The following DAB1 variants were observed in gnomAD, a reference collection of about 807,000 sequenced individuals.
The protein encoded by DAB1 is DAB adaptor protein 1, also known as disabled homolog 1.
Under a neutral mutation model 64.6 loss-of-function variants are expected in DAB1, and 15 were observed. The ratio of observed to expected loss-of-function variants is 0.23; its 90% CI spans 0.16 to 0.36. The LOEUF (loss-of-function observed/expected upper bound fraction) is 0.36, where lower values mean the gene tolerates loss of function less well. DAB1 is among the 10% of genes least tolerant of loss of function. The pLI is 1.00. For synonymous variants in DAB1, 235 were observed against 251.9 expected, an observed-to-expected ratio of 0.93 and a Z score of 0.64; for missense variants, 596 against 706.7, an observed-to-expected ratio of 0.84 and a Z score of 1.78.
chr1:57,439,426 T>TTTTTGTTTTTTTTTGTTTTTTTTTG lies in DAB1; in HGVS notation n.626-148261_626-148260insCAAAAAAAAACAAAAAAAAACAAAA, dbSNP rs1558381415. Among the ~76,000 whole-genome samples, 66 of 94,888 alleles carry TTTTTGTTTTTTTTTGTTTTTTTTTG rather than the reference T, an allele frequency of 7.0e-4. 4 individuals are homozygous for TTTTTGTTTTTTTTTGTTTTTTTTTG. In the East Asian group the frequency reaches 0.014, roughly 20 times the overall value. The allele number at this position is 94,888 out of a possible 152,430, so 62.3% of individuals were successfully genotyped here. On this transcript the variant is annotated intron_variant and non_coding_transcript_variant, in intron 7 of 20. Transcript: ENST00000485760. ...ATCAACTTGGTGATGAGGTTTTTTC[T>TTTTTGTTTTTTTTTGTTTTTTTTTG]TTTTTTTTTTTTTTTTTTTTTGAGA... is the stretch of plus-strand genomic sequence containing the variant.
chr1:57,498,204 C>T (rs896282846), intron 7 of DAB1, among the ~76,000 whole-genome samples: 8 of 152,122 alleles, frequency 5.3e-5, no homozygotes, highest in African/African-American at 1.9e-4. Flanking sequence ...ATTCGAGATG[C>T]TTTTGGGACA....
chr1:58,513,273 C>T (rs1646109533), intron 2 of DAB1, among the ~76,000 whole-genome samples: 1 of 152,120 alleles, frequency 6.6e-6, no homozygotes, highest in South Asian at 2.1e-4. Flanking sequence ...ACCTGCTTCC[C>T]CTTCCACCAT....
chr1:57,316,501 C>T (rs1283896854), intron 1 of DAB1, among the ~76,000 whole-genome samples: 1 of 152,130 alleles, frequency 6.6e-6, no homozygotes, highest in Non-Finnish European at 1.5e-5. Context: ...CAGCATCTGT[C>T]TCCTTGGCAG....
intron 4 of DAB1, among the ~76,000 whole-genome samples, chr1:58,300,244 C>A (rs1011507153): frequency 6.6e-6 from 1 of 151,960 alleles, no homozygotes; most frequent in Non-Finnish European, 1.5e-5. Context: ...GAAGGTACTG[C>A]TGCTTTAAGA....
chr1:57,126,095 G>A (rs1157116398), intron 4 of DAB1, among the ~76,000 whole-genome samples: 2 of 151,396 alleles, frequency 1.3e-5, no homozygotes, highest in African/African-American at 2.4e-5. Context: ...CTTTCATATC[G>A]CAAATAGAAG....
At chr1:57,676,636 C>T (rs1558600711) in intron 6 of DAB1, among the ~76,000 whole-genome samples, 1 of 152,210 alleles carries the variant, frequency 6.6e-6, no homozygotes, top group Non-Finnish European at 1.5e-5. Flanking sequence ...CTCAAGTCCT[C>T]AGCTTGGCAT....
intron 1 of DAB1, chr1:57,878,504 T>C (rs1644089885): frequency 6.6e-6 from 1 of 152,188 alleles, no homozygotes; most frequent in Non-Finnish European, 1.5e-5. Flanking sequence ...CTGAGCTTAA[T>C]CAAACATGTT....
intron 1 of DAB1, among the ~76,000 whole-genome samples, chr1:57,848,232 T>C (rs979711482): frequency 6.6e-6 from 1 of 152,132 alleles, no homozygotes; most frequent in Admixed American, 6.5e-5. Flanking sequence ...AAAGGTGTAG[T>C]CTATAAGTTC....
At chr1:57,547,626 G>A (rs992894615) in intron 7 of DAB1, among the ~76,000 whole-genome samples, 6 of 152,108 alleles carry the variant, frequency 3.9e-5, no homozygotes, top group African/African-American at 1.2e-4. Flanking sequence ...TATTGTGAAC[G>A]TATTTACTTT....
At chr1:57,899,076 C>T (rs1360387021) in intron 5 of DAB1, among the ~76,000 whole-genome samples, 6 of 151,748 alleles carry the variant, frequency 4.0e-5, no homozygotes, top group African/African-American at 1.5e-4. Context: ...TCTGTATCAT[C>T]GATAAATGGG....
chr1:57,819,918 A>T (rs995002061), intron 6 of DAB1, among the ~76,000 whole-genome samples: 1 of 152,188 alleles, frequency 6.6e-6, no homozygotes, highest in African/African-American at 2.4e-5. Context: ...TCTGTCTGCA[A>T]CTAGTGCTAT....
intron 5 of DAB1, among the ~76,000 whole-genome samples, chr1:57,970,717 T>A (rs1252764062): frequency 6.6e-6 from 1 of 152,142 alleles, no homozygotes; most frequent in East Asian, 1.9e-4. Flanking sequence ...CTGGTTGTAG[T>A]AAACAAAGCT....
intron 4 of DAB1, among the ~76,000 whole-genome samples, chr1:58,323,924 CAA>C (rs11432020): frequency 2.4e-4 from 19 of 80,086 alleles, no homozygotes; most frequent in African/African-American, 2.3e-4. Context: ...GACTCCATCT[CAA>C]AAAAAAAAAA....
intron 3 of DAB1, among the ~76,000 whole-genome samples, chr1:58,500,726 T>C (rs1472896169): frequency 6.6e-6 from 1 of 152,176 alleles, no homozygotes; most frequent in Admixed American, 6.5e-5. Flanking sequence ...ATTTTTCCTA[T>C]ACATTCTATC....
chr1:58,006,594 A>C (rs1445974451), intron 5 of DAB1, among the ~76,000 whole-genome samples: 1 of 152,160 alleles, frequency 6.6e-6, no homozygotes, highest in Non-Finnish European at 1.5e-5. Context: ...ATGTTCAATA[A>C]ATGTTTGTTG....
chr1:58,470,032 G>A (rs1175620377), intron 3 of DAB1, among the ~76,000 whole-genome samples: 1 of 151,878 alleles, frequency 6.6e-6, no homozygotes, highest in Non-Finnish European at 1.5e-5. Flanking sequence ...GCAGCCCCAG[G>A]AAGTACACTG....
chr1:57,314,631 G>A (rs1363184840), intron 1 of DAB1, among the ~76,000 whole-genome samples: 1 of 151,940 alleles, frequency 6.6e-6, no homozygotes, highest in Non-Finnish European at 1.5e-5. Flanking sequence ...AATAAGCAAG[G>A]GATAAGCTAG....
intron 2 of DAB1, among the ~76,000 whole-genome samples, chr1:57,263,120 ATTT>A (rs57596595): frequency 1.3e-5 from 2 of 148,814 alleles, no homozygotes; most frequent in Non-Finnish European, 3.0e-5. Flanking sequence ...AGAAGATAAA[ATTT>A]TTTTTTTTTT....
intron 2 of DAB1, among the ~76,000 whole-genome samples, chr1:57,281,804 C>T (rs1570151688): frequency 6.6e-6 from 1 of 151,780 alleles, no homozygotes; most frequent in Admixed American, 6.6e-5. Context: ...GGGACGGGGG[C>T]CAGTGGGGAA....
Sources: allele counts gnomAD v4.1 joint callset (sites outside exome capture counted in the v4.1 genomes callset), GRCh38; gene constraint gnomAD v4.1.1; transcripts MANE v1.5; gene names NCBI Gene and HGNC (gene_info 2026-07-23, HGNC 2026-07-21).